The following MCTP1 variants were observed in gnomAD, a reference collection of about 807,000 sequenced individuals.
MCTP1 encodes multiple C2 and transmembrane domain containing 1.
Under a neutral mutation model 120.6 loss-of-function variants are expected in MCTP1, and 69 were observed. That is an observed-to-expected ratio of 0.57 (90% CI 0.47 to 0.70). MCTP1 has a LOEUF of 0.70. Ranked by LOEUF, MCTP1 falls within the 30% of genes least tolerant of loss-of-function variation. The pLI, the probability that MCTP1 is intolerant of heterozygous loss-of-function variation, is 0.00. For missense variants in MCTP1, 1,203 were observed against 1,248.8 expected, an observed-to-expected ratio of 0.96 and a Z score of 0.55; for synonymous variants, 529 against 493.1, an observed-to-expected ratio of 1.07 and a Z score of -0.96.
In MCTP1 at chr5:94,774,207, C is replaced by CAA. The variant is rs70978130; in HGVS notation, c.2610+4901_2610+4902dup. On this transcript the variant is annotated intron_variant, in intron 19 of 22. Coordinates refer to ENST00000515393, the MANE Select transcript of MCTP1 (RefSeq NM_024717.7). ...TGGGCGACAGAGCAAGACTCCGTCT[C>CAA]AAAAAAAAAAAAAAAAAAAAAAAAA... Among the ~76,000 whole-genome samples, 30 of 4,182 alleles carry CAA rather than the reference C, an allele frequency of 7.2e-3. 5 individuals are homozygous for CAA. Among genetic ancestry groups the CAA allele is most frequent in the South Asian group, 0.05 (1 of 20 alleles). 2.7% of individuals were successfully genotyped at this position (4,182 alleles called of 152,430 possible). A position where few individuals can be genotyped will look rare whatever the true frequency, so the allele number is the denominator to read the frequency against.
intron 2 of MCTP1, among the ~76,000 whole-genome samples, chr5:94,967,736 G>A (rs896578590): frequency 2.0e-5 from 3 of 152,204 alleles, no homozygotes; most frequent in African/African-American, 4.8e-5. Context: ...TTTTATAAAC[G>A]TGTGGTCTTG....
chr5:94,775,965 T>TTTTA (rs369552416), intron 19 of MCTP1, among the ~76,000 whole-genome samples: 2 of 145,618 alleles, frequency 1.4e-5, no homozygotes, highest in Admixed American at 1.4e-4. Context: ...TATATTTATA[T>TTTTA]TATATATATA....
At chr5:95,051,966 T>C (rs967011775) in intron 1 of MCTP1, among the ~76,000 whole-genome samples, 4 of 151,998 alleles carry the variant, frequency 2.6e-5, no homozygotes, top group Admixed American at 6.6e-5. Context: ...AAATAATCTG[T>C]ACACCAAACC....
intron 1 of MCTP1, among the ~76,000 whole-genome samples, chr5:95,214,905 A>G (rs1488939003): frequency 1.3e-5 from 2 of 151,392 alleles, no homozygotes; most frequent in Non-Finnish European, 2.9e-5. Flanking sequence ...TAGGAGATAT[A>G]CCTAATGTAA....
intron 12 of MCTP1, among the ~76,000 whole-genome samples, chr5:94,883,472 A>G (rs1294731687): frequency 6.6e-6 from 1 of 152,204 alleles, no homozygotes; most frequent in Non-Finnish European, 1.5e-5. Context: ...TCAGATGTTA[A>G]GATAGTAAAG....
chr5:95,118,690 T>C (rs1372813687), intron 1 of MCTP1, among the ~76,000 whole-genome samples: 1 of 152,154 alleles, frequency 6.6e-6, no homozygotes, highest in Non-Finnish European at 1.5e-5. Context: ...TGGAGAAAGA[T>C]ATTCCATACC....
intron 2 of MCTP1, among the ~76,000 whole-genome samples, chr5:95,000,788 T>A (rs1833527907): frequency 6.6e-6 from 1 of 152,218 alleles, no homozygotes; most frequent in Admixed American, 6.5e-5. Context: ...AAATTTAGTG[T>A]AGCCTAAGTG....
intron 17 of MCTP1, among the ~76,000 whole-genome samples, chr5:94,810,214 T>C (rs1354784276): frequency 6.6e-6 from 1 of 152,142 alleles, no homozygotes; most frequent in Non-Finnish European, 1.5e-5. Context: ...AAAGATTTAT[T>C]AGAGCTTATT....
intron 1 of MCTP1, among the ~76,000 whole-genome samples, chr5:95,069,700 C>CTTT (rs35136173): frequency 1.4e-4 from 19 of 138,212 alleles, no homozygotes; most frequent in South Asian, 9.2e-4. Flanking sequence ...CCCTTCTGCC[C>CTTT]TTTTTTTTTT....
intron 2 of MCTP1, among the ~76,000 whole-genome samples, chr5:95,008,390 C>T (rs957692606): frequency 1.3e-5 from 2 of 152,248 alleles, no homozygotes; most frequent in East Asian, 1.9e-4. Flanking sequence ...TCTCACTTCT[C>T]AATTTCATGG....
chr5:94,971,105 T>C (rs984482703), intron 2 of MCTP1, among the ~76,000 whole-genome samples: 4 of 152,212 alleles, frequency 2.6e-5, no homozygotes, highest in East Asian at 1.9e-4. Context: ...ACTATGATCT[T>C]AGAAAAGTCA....
chr5:95,226,196 C>G (rs1343594648), intron 1 of MCTP1, among the ~76,000 whole-genome samples: 2 of 152,088 alleles, frequency 1.3e-5, no homozygotes, highest in African/African-American at 4.8e-5. Flanking sequence ...TACCCCACCT[C>G]TCTGACCTCG....
chr5:94,891,477 C>T (rs1802594478), intron 11 of MCTP1, among the ~76,000 whole-genome samples: 3 of 152,116 alleles, frequency 2.0e-5, no homozygotes, highest in Admixed American at 1.3e-4. Flanking sequence ...AAAAGGTTTC[C>T]GTGCTTTAAT....
chr5:94,920,219 T>G lies in MCTP1; in HGVS notation c.1273-2246A>C, dbSNP rs1409421272. ...CTTGCTGAAATAATCTACAAATTTC[T>G]AGCAATAATATGGGAAAGGAACAAT... On this transcript the variant is annotated intron_variant, in intron 7 of 22. Transcript: ENST00000515393. Among the ~76,000 whole-genome samples the G allele has an allele frequency of 2.6e-5, 4 of 151,060 alleles. No individual in the cohort carries two copies. The East Asian group carries it at 7.8e-4, about 29-fold the overall frequency.
Position 94,779,291 on chromosome 5 carries a change from A to T in MCTP1, c.2557-128T>A, listed in dbSNP as rs150456008. On this transcript the variant is annotated intron_variant, in intron 18 of 22. Transcript: ENST00000515393. The stretch of plus-strand genomic sequence containing the variant: ...CAGGCACACTGAGAAGGGATATTTG[A>T]TCTAGAGAGAGTGATTAGGAAAATG... 5.5e-5 allele frequency: 42 copies of T among 769,944 alleles called. 1 individual carries two copies. The East Asian group carries it at 1.1e-3, about 19-fold the overall frequency. 47.7% of individuals were successfully genotyped at this position (769,944 alleles called of 1,614,324 possible).
At chr5:94,804,960 A>T (rs1319679220) in intron 17 of MCTP1, among the ~76,000 whole-genome samples, 1 of 152,200 alleles carries the variant, frequency 6.6e-6, no homozygotes, top group East Asian at 1.9e-4. Flanking sequence ...AACAAAAAAA[A>T]TCTAGATCTT....
At chr5:94,817,429 A>G (rs752717394) in intron 17 of MCTP1, among the ~76,000 whole-genome samples, 3 of 151,926 alleles carry the variant, frequency 2.0e-5, no homozygotes, top group African/African-American at 4.8e-5. Flanking sequence ...CAAACAAACA[A>G]ACAAACAAAC....
chr5:94,851,581 T>G (rs1458104516), intron 17 of MCTP1, among the ~76,000 whole-genome samples: 3 of 152,058 alleles, frequency 2.0e-5, no homozygotes, highest in Admixed American at 6.6e-5. Context: ...ATGCTCAGGT[T>G]GCATAAGGAA....
chr5:95,182,321 A>C (rs1748689784), intron 1 of MCTP1, among the ~76,000 whole-genome samples: 1 of 152,142 alleles, frequency 6.6e-6, no homozygotes, highest in Non-Finnish European at 1.5e-5. Flanking sequence ...CTTAGAAAAG[A>C]GCATGATGAT....
Sources: gnomAD v4.1 joint callset for allele counts (sites outside exome capture counted in the v4.1 genomes callset) on GRCh38, gnomAD v4.1.1 for gene constraint, MANE v1.5 for transcripts, NCBI Gene and HGNC (gene_info 2026-07-23, HGNC 2026-07-21) for gene names.